PRCC: variants seen among roughly 807,000 people sequenced by gnomAD.
PRCC encodes proline-rich protein PRCC.
PRCC carries 10 observed loss-of-function variants against 44.0 expected under a neutral mutation model. That is an observed-to-expected ratio of 0.23 (90% CI 0.14 to 0.39). The LOEUF (loss-of-function observed/expected upper bound fraction) is 0.39, where lower values mean the gene tolerates loss of function less well. PRCC is among the 10% of genes least tolerant of loss of function. PRCC has a pLI of 1.00. For synonymous variants in PRCC, 278 were observed against 259.5 expected (o/e 1.07, Z -0.69); for missense variants, 573 against 624.7 (o/e 0.92, Z 0.88).
Position 156,794,648 on chromosome 1 carries a change from A to G in PRCC, c.1180-17A>G. 6.2e-7 allele frequency: 1 copy of G among 1,613,614 alleles called. No individual in the cohort carries two copies. The highest frequency in any genetic ancestry group is 1.3e-5 in the African/African-American group (1 of 74,970). The stretch of plus-strand genomic sequence containing the variant: ...CCTTGCCCAGATTCCTGACTCCTGC[A>G]TTTTTTTCTTTTCCAGTTTAAGCGG... On this transcript the variant is annotated splice_polypyrimidine_tract_variant and intron_variant, in intron 4 of 6. Transcript: ENST00000271526.
intron 5 of PRCC, chr1:156,796,603 T>G (rs1462398751): frequency 6.6e-6 from 1 of 152,228 alleles, no homozygotes; most frequent in African/African-American, 2.4e-5. Flanking sequence ...GAAGTTTGGT[T>G]ACGGGTTCAG....
Position 156,787,446 on chromosome 1 carries a change from GATTGATATATATATATATATATATAT to G in PRCC, c.1083+275_1083+300del, listed in dbSNP as rs1419003554. 6.3e-4 allele frequency among the ~76,000 whole-genome samples: 70 copies of G among 111,780 alleles called. 1 individual carries two copies. Among genetic ancestry groups the G allele is most frequent in the South Asian group, 2.2e-3 (8 of 3,570 alleles). The allele number at this position is 111,780 out of a possible 152,430, so 73.3% of individuals were successfully genotyped here. ...ATCCATAATATTTGTACATATTTGT[GATTGATATATATATATATATATATAT>G]ATATATATATATATATATATATATA... On this transcript the variant is annotated intron_variant, in intron 3 of 6. Coordinates refer to ENST00000271526, the MANE Select transcript of PRCC (RefSeq NM_005973.5).
chr1:156,788,283 G>A (rs1439229866), intron 3 of PRCC, among the ~76,000 whole-genome samples: 1 of 152,106 alleles, frequency 6.6e-6, no homozygotes, highest in Admixed American at 6.5e-5. Context: ...ATGTTAATTT[G>A]CTTAATGGCT....
intron 1 of PRCC, among the ~76,000 whole-genome samples, chr1:156,773,371 C>T (rs1651703681): frequency 6.6e-6 from 1 of 152,078 alleles, no homozygotes; most frequent in African/African-American, 2.4e-5. Context: ...CGTTCTTGCT[C>T]AGCAGTCTCG....
At chr1:156,798,226 C>T (rs978005439) in intron 6 of PRCC, among the ~76,000 whole-genome samples, 4 of 152,150 alleles carry the variant, frequency 2.6e-5, no homozygotes, top group South Asian at 2.1e-4. Flanking sequence ...GAATCCTTAC[C>T]GATAACACAT....
intron 3 of PRCC, among the ~76,000 whole-genome samples, chr1:156,790,535 A>G (rs561463077): frequency 1.3e-5 from 2 of 152,380 alleles, no homozygotes; most frequent in South Asian, 4.1e-4. Context: ...AGACAGGAGA[A>G]TCGCTTGAAC....
intron 1 of PRCC, among the ~76,000 whole-genome samples, chr1:156,771,882 A>G (rs1651650053): frequency 1.3e-5 from 2 of 151,896 alleles, no homozygotes; most frequent in Non-Finnish European, 1.5e-5. Flanking sequence ...AGGGACCTGC[A>G]TCAGGAACCT....
intron 2 of PRCC, 121 bp downstream of exon 2, chr1:156,782,450 A>G (rs906208242): frequency 2.0e-5 from 17 of 867,258 alleles, no homozygotes; most frequent in South Asian, 3.9e-5. Context: ...TTTGAGGACT[A>G]TTTAGGTTCG....
chr1:156,782,214 C>G, intron 1 of PRCC, 68 bp from the exon 2 acceptor site: 1 of 1,408,116 alleles, frequency 7.1e-7, no homozygotes, highest in Non-Finnish European at 1.0e-6. Context: ...TTCATATGTG[C>G]TATATTTAAT....
chr1:156,799,045 T>C (rs1652760035), intron 6 of PRCC, among the ~76,000 whole-genome samples: 1 of 152,208 alleles, frequency 6.6e-6, no homozygotes, highest in African/African-American at 2.4e-5. Flanking sequence ...ATTATGACAG[T>C]ACAGTGTGTA....
At chr1:156,774,494 T>C (rs1167203091) in intron 1 of PRCC, among the ~76,000 whole-genome samples, 1 of 151,524 alleles carries the variant, frequency 6.6e-6, no homozygotes, top group African/African-American at 2.4e-5. Flanking sequence ...CTTTTTTCTT[T>C]TTTTTTCAAT....
chr1:156,775,076 A>G (rs1203354374), intron 1 of PRCC, among the ~76,000 whole-genome samples: 2 of 151,798 alleles, frequency 1.3e-5, no homozygotes, highest in African/African-American at 2.4e-5. Flanking sequence ...GTGAAACCCC[A>G]TCTCTACTAA....
At chr1:156,769,766 ATTTT>A (rs1383395863) in intron 1 of PRCC, among the ~76,000 whole-genome samples, 1 of 151,684 alleles carries the variant, frequency 6.6e-6, no homozygotes, top group Non-Finnish European at 1.5e-5. Flanking sequence ...CGCCTGGCTA[ATTTT>A]TTTGTGTTTT....
chr1:156,797,366 C>T (rs1420161588), intron 6 of PRCC, 25 bp downstream of exon 6: 1 of 1,613,832 alleles, frequency 6.2e-7, no homozygotes, highest in Non-Finnish European at 8.5e-7. Context: ...AGGGCTCTGG[C>T]TCAGGCAGGA....
intron 4 of PRCC, among the ~76,000 whole-genome samples, chr1:156,794,458 C>T (rs1482081841): frequency 6.6e-6 from 1 of 152,138 alleles, no homozygotes; most frequent in Non-Finnish European, 1.5e-5. Context: ...CTTCCCTTTT[C>T]CTGGGTTCAG....
intron 5 of PRCC, chr1:156,796,287 C>G (rs1172045443): frequency 1.3e-5 from 2 of 152,270 alleles, no homozygotes; most frequent in East Asian, 3.9e-4. Context: ...TTTCCTATCT[C>G]CAAGTTTTCT....
At chr1:156,793,318 G>C (rs114893291) in intron 4 of PRCC, among the ~76,000 whole-genome samples, 2 of 152,106 alleles carry the variant, frequency 1.3e-5, no homozygotes, top group Non-Finnish European at 2.9e-5. Flanking sequence ...AGTATAGAAG[G>C]CCTCACTAAT....
At position 156,800,430 on chromosome 1, in the gene PRCC, C is replaced by T; in HGVS notation, c.1446C>T (p.Arg482=). 6.2e-7 allele frequency: 1 copy of T among 1,614,182 alleles called. No homozygotes were observed. Among genetic ancestry groups the T allele is most frequent in the East Asian group, 2.2e-5 (1 of 44,882 alleles). Residue 482 remains arginine, a synonymous_variant, in exon 7 of 7, where the codon CGC becomes CGT. Transcript: ENST00000271526. ...CCTGGTCAGAGAACAAGCTCAGCCG[C>T]CGTCAGACCCAAGCCAAATATGGAT... ...KNTWSENKLS[R]RQTQAKYGF
intron 3 of PRCC, among the ~76,000 whole-genome samples, chr1:156,789,718 T>C (rs1042008975): frequency 2.0e-5 from 3 of 152,204 alleles, no homozygotes; most frequent in African/African-American, 7.2e-5. Flanking sequence ...GCTCTCTCAG[T>C]CTCAGATTCT....
Sources: gnomAD v4.1 joint callset for allele counts (sites outside exome capture counted in the v4.1 genomes callset) on GRCh38, gnomAD v4.1.1 for gene constraint, MANE v1.5 for transcripts, NCBI Gene and HGNC (gene_info 2026-07-23, HGNC 2026-07-21) for gene names.